Variants in PRKCE observed in about 807,000 individuals in gnomAD.
PRKCE encodes the protein protein kinase C epsilon type.
Under a neutral mutation model 85.4 loss-of-function variants are expected in PRKCE, and 16 were observed. That is an observed-to-expected ratio of 0.19 (90% CI 0.13 to 0.28). The LOEUF (loss-of-function observed/expected upper bound fraction) is 0.28. Among genes scored for constraint, PRKCE ranks in the 10% least tolerant of loss-of-function variants. PRKCE has a pLI of 1.00. For missense variants in PRKCE, 573 were observed against 975.2 expected, an observed-to-expected ratio of 0.59 and a Z score of 5.49; for synonymous variants, 388 against 371.5, an observed-to-expected ratio of 1.04 and a Z score of -0.51.
intron 10 of PRKCE, among the ~76,000 whole-genome samples, chr2:46,015,162 G>A (rs1706019633): frequency 6.6e-6 from 1 of 152,058 alleles, no homozygotes; most frequent in South Asian, 2.1e-4. Context: ...GCCTCTCCCA[G>A]TTCCCAGGTT....
intron 4 of PRKCE, among the ~76,000 whole-genome samples, chr2:45,979,483 C>T (rs183926686): frequency 6.3e-4 from 96 of 152,244 alleles, no homozygotes; most frequent in Middle Eastern, 6.8e-3. Context: ...TGATCATTAG[C>T]TCTTAAAAAT....
intron 2 of PRKCE, among the ~76,000 whole-genome samples, chr2:45,881,391 C>T (rs1694879819): frequency 6.6e-6 from 1 of 152,132 alleles, no homozygotes. Flanking sequence ...CTTAGATGGA[C>T]ACATTTTAAA....
rs10569183 is a variant in PRKCE at position 46,078,540 on chromosome 2, GAAA to G, written c.1438-7656_1438-7654del. On this transcript the variant is annotated intron_variant, in intron 10 of 14. Coordinates refer to ENST00000306156, the MANE Select transcript of PRKCE (RefSeq NM_005400.3). Reference sequence around the variant, plus strand: ...GGGTGACAGAGCAGGACCCTGTCTTGAAAAAAAAAAAAAATAAGATTTTAGGGT... The same window carrying G: ...GGGTGACAGAGCAGGACCCTGTCTTGAAAAAAAAAAATAAGATTTTAGGGT... Among the ~76,000 whole-genome samples, 240 of 140,360 alleles carry G rather than the reference GAAA, an allele frequency of 1.7e-3. 1 individual carries two copies. The highest frequency in any genetic ancestry group is 2.3e-3 in the Non-Finnish European group (155 of 66,286). The allele number at this position is 140,360 out of a possible 152,430, so 92.1% of individuals were successfully genotyped here. A position where few individuals can be genotyped will look rare whatever the true frequency, so the allele number is the denominator to read the frequency against.
At chr2:45,657,215 A>C (rs1675419170) in intron 1 of PRKCE, among the ~76,000 whole-genome samples, 1 of 152,196 alleles carries the variant, frequency 6.6e-6, no homozygotes, top group Non-Finnish European at 1.5e-5. Flanking sequence ...AGAGGCAGGC[A>C]CTCAGAATCC....
At chr2:45,735,511 A>G (rs1681981586) in intron 1 of PRKCE, among the ~76,000 whole-genome samples, 2 of 152,220 alleles carry the variant, frequency 1.3e-5, no homozygotes, top group South Asian at 4.1e-4. Flanking sequence ...CATCACCTGT[A>G]AAATGGTGGT....
At chr2:45,801,534 C>T (rs73928805) in intron 1 of PRKCE, among the ~76,000 whole-genome samples, 52 of 151,976 alleles carry the variant, frequency 3.4e-4, no homozygotes, top group African/African-American at 1.1e-3. Context: ...AGGGAGGAGG[C>T]GGGAATGCTG....
chr2:45,881,714 T>C (rs1181419030), intron 2 of PRKCE, among the ~76,000 whole-genome samples: 1 of 152,234 alleles, frequency 6.6e-6, no homozygotes, highest in Non-Finnish European at 1.5e-5. Context: ...TGGAATGACT[T>C]GCCTAAGTCA....
chr2:46,023,127 A>C, intron 10 of PRKCE, among the ~76,000 whole-genome samples: 1 of 149,586 alleles, frequency 6.7e-6, no homozygotes, highest in East Asian at 1.9e-4. Flanking sequence ...ATATAGATAG[A>C]TCCCAAGCTG....
chr2:45,976,165 C>A (rs1029507751), intron 2 of PRKCE, among the ~76,000 whole-genome samples: 1 of 152,208 alleles, frequency 6.6e-6, no homozygotes, highest in Non-Finnish European at 1.5e-5. Flanking sequence ...GGGCAGCCAG[C>A]CCTGGAGCAG....
chr2:46,185,123 C>T lies in PRKCE; in HGVS notation c.*242C>T. On this transcript the variant is annotated 3_prime_UTR_variant, in exon 15 of 15. Coordinates refer to ENST00000306156, the MANE Select transcript of PRKCE (RefSeq NM_005400.3). This position sits in a 1 kb window ranked among gnomAD's most constrained non-coding sequence, Gnocchi z 4.7. ...GCAGACTCATTGGGTCAGCAATTAG[C>T]TGTATACACTGCCGTGTTTGGACCA... 1.9e-6 allele frequency: 1 copy of T among 522,124 alleles called. No homozygotes were observed. The highest frequency in any genetic ancestry group is 3.4e-6 in the Non-Finnish European group (1 of 295,336). 32.3% of individuals were successfully genotyped at this position (522,124 alleles called of 1,614,324 possible).
chr2:45,991,276 G>A (rs1378701348), intron 6 of PRKCE, among the ~76,000 whole-genome samples: 2 of 152,080 alleles, frequency 1.3e-5, no homozygotes, highest in African/African-American at 2.4e-5. Context: ...CAACGTGCTG[G>A]GATTACAGGC....
intron 2 of PRKCE, among the ~76,000 whole-genome samples, chr2:45,897,022 G>A (rs1696198672): frequency 3.3e-5 from 5 of 152,144 alleles, no homozygotes; most frequent in Admixed American, 3.3e-4. Context: ...AGGCTGCAGT[G>A]AGCCGTGAGT....
At chr2:46,079,610 C>G (rs1053653256) in intron 10 of PRKCE, among the ~76,000 whole-genome samples, 1 of 152,210 alleles carries the variant, frequency 6.6e-6, no homozygotes, top group Non-Finnish European at 1.5e-5. Flanking sequence ...ACCAGCATAT[C>G]AAGTATGGGC....
At chr2:46,153,851 A>G (rs1296505219) in intron 13 of PRKCE, among the ~76,000 whole-genome samples, 1 of 134,268 alleles carries the variant, frequency 7.4e-6, no homozygotes, top group East Asian at 2.2e-4. Context: ...CAGCGGCACG[A>G]TCTCTGCTCA....
At chr2:45,811,343 G>A (rs1029295831) in intron 1 of PRKCE, among the ~76,000 whole-genome samples, 1 of 152,190 alleles carries the variant, frequency 6.6e-6, no homozygotes, top group Non-Finnish European at 1.5e-5. Flanking sequence ...CTGTTAGAAT[G>A]GTCTCCAAGA....
chr2:45,946,963 C>A (rs1257898640), intron 2 of PRKCE, among the ~76,000 whole-genome samples: 1 of 152,224 alleles, frequency 6.6e-6, no homozygotes, highest in Non-Finnish European at 1.5e-5. Flanking sequence ...TAGACCTAGA[C>A]TCTATGAGAT....
chr2:45,889,165 C>T (rs143248495), intron 2 of PRKCE, among the ~76,000 whole-genome samples: 298 of 152,240 alleles, frequency 2.0e-3, no homozygotes, highest in African/African-American at 6.7e-3. Context: ...AGGAGCTCAG[C>T]GACTAAGAGT....
intron 10 of PRKCE, among the ~76,000 whole-genome samples, chr2:46,040,403 A>T (rs1345235490): frequency 6.6e-6 from 1 of 152,184 alleles, no homozygotes; most frequent in Non-Finnish European, 1.5e-5. Flanking sequence ...CACCGTGAAT[A>T]CCTTAGGATA....
At chr2:45,815,106 A>G (rs1221862001) in intron 1 of PRKCE, among the ~76,000 whole-genome samples, 1 of 152,194 alleles carries the variant, frequency 6.6e-6, no homozygotes, top group African/African-American at 2.4e-5. Flanking sequence ...ACCCTGTGGC[A>G]TAATTTAGTC....
Sources: gnomAD v4.1 joint callset for allele counts (sites outside exome capture counted in the v4.1 genomes callset) on GRCh38, gnomAD v4.1.1 for gene constraint, Gnocchi (gnomAD v3.1) non-coding constraint, MANE v1.5 for transcripts, NCBI Gene and HGNC (gene_info 2026-07-23, HGNC 2026-07-21) for gene names.